Variants in R3HDM2 observed in about 807,000 individuals in gnomAD.
R3HDM2 encodes R3H domain containing 2.
Under a neutral mutation model 124.5 loss-of-function variants are expected in R3HDM2, and 38 were observed. That is an observed-to-expected ratio of 0.31 (90% CI 0.24 to 0.40). The LOEUF is 0.40. Among genes scored for constraint, R3HDM2 ranks in the 10% least tolerant of loss-of-function variants. The pLI is 1.00. For synonymous variants in R3HDM2, 391 were observed against 448.0 expected (o/e 0.87, Z 1.61); for missense variants, 869 against 1,236.9 (o/e 0.70, Z 4.46).
At chr12:57,302,903 T>C (rs1375254448) in intron 4 of R3HDM2, among the ~76,000 whole-genome samples, 1 of 152,172 alleles carries the variant, frequency 6.6e-6, no homozygotes, top group Non-Finnish European at 1.5e-5. Context: ...AGTATCCAGT[T>C]CTTTCAGGCT....
At chr12:57,426,696 C>A (rs1240630933) in intron 1 of R3HDM2, among the ~76,000 whole-genome samples, 1 of 152,184 alleles carries the variant, frequency 6.6e-6, no homozygotes, top group South Asian at 2.1e-4. Context: ...AAGACTTCCA[C>A]ACTCCATCCT....
chr12:57,277,430 C>G (rs1436198979), intron 14 of R3HDM2, among the ~76,000 whole-genome samples: 2 of 151,840 alleles, frequency 1.3e-5, no homozygotes, highest in Non-Finnish European at 2.9e-5. Flanking sequence ...GGTAACAACC[C>G]TTCCTCAAAG....
intron 20 of R3HDM2, among the ~76,000 whole-genome samples, 170 bp from the exon 21 acceptor site, chr12:57,258,307 CTATTT>C (rs1256626200): frequency 1.0e-3 from 149 of 146,188 alleles, no homozygotes; most frequent in African/African-American, 3.5e-3. Context: ...TTCATTTATG[CTATTT>C]TATTTATTTA....
At position 57,269,457 on chromosome 12, in the gene R3HDM2, G is replaced by A; in HGVS notation, c.1588-8C>T. On this transcript the variant is annotated splice_polypyrimidine_tract_variant and splice_region_variant and intron_variant, in intron 15 of 23. Transcript: ENST00000402412. The stretch of plus-strand genomic sequence containing the variant: ...ATAGTAAGAAACCTGGATCTATGGT[G>A]AGAGGAGACAGATGTGTGAGAAGTC... 1.2e-6 allele frequency: 2 copies of A among 1,613,778 alleles called. No homozygotes were observed. The highest frequency in any genetic ancestry group is 1.1e-5 in the South Asian group (1 of 90,982).
chr12:57,350,179 C>T (rs1186288766), intron 2 of R3HDM2, among the ~76,000 whole-genome samples: 2 of 151,958 alleles, frequency 1.3e-5, no homozygotes, highest in African/African-American at 4.8e-5. Flanking sequence ...CACTGCACAC[C>T]AGACTGGGCG....
At chr12:57,311,489 G>A (rs4760193) in intron 2 of R3HDM2, among the ~76,000 whole-genome samples, 67,721 of 151,682 alleles carry the variant, frequency 0.45, 15,663 homozygotes, top group South Asian at 0.52. Flanking sequence ...GCCTCCCAAA[G>A]TGCTGGGATT....
chr12:57,329,047 A>G (rs984487360), intron 2 of R3HDM2, among the ~76,000 whole-genome samples: 6 of 152,198 alleles, frequency 3.9e-5, no homozygotes, highest in African/African-American at 1.4e-4. Flanking sequence ...ATATATAAAA[A>G]ACACACACTA....
At chr12:57,320,531 T>C (rs1041057919) in intron 2 of R3HDM2, among the ~76,000 whole-genome samples, 3 of 151,992 alleles carry the variant, frequency 2.0e-5, no homozygotes, top group Non-Finnish European at 2.9e-5. Context: ...TCCAGCCAAA[T>C]AGTACAATTT....
chr12:57,260,268 A>AAAAAAAAAAAAAAAAAAC lies in R3HDM2; in HGVS notation c.2132-1210_2132-1209insGTTTTTTTTTTTTTTTTT, dbSNP rs2040398466. ...GACAGAATGAGACCCTGCCTCAAAA[A>AAAAAAAAAAAAAAAAAAC]AAAAAAAAAAAAAAAAAGCCTGCTG... On this transcript the variant is annotated intron_variant, in intron 19 of 23. Transcript: ENST00000402412. Among the ~76,000 whole-genome samples, 2 of 137,788 alleles carry AAAAAAAAAAAAAAAAAAC rather than the reference A, an allele frequency of 1.5e-5. 1 individual carries two copies. 90.4% of individuals were successfully genotyped at this position (137,788 alleles called of 152,430 possible).
intron 2 of R3HDM2, chr12:57,341,481 G>A (rs1305146904): frequency 2.2e-6 from 2 of 903,626 alleles, no homozygotes; most frequent in African/African-American, 1.8e-5. Context: ...GGAGGTAGAG[G>A]GAATCCCATC....
intron 2 of R3HDM2, among the ~76,000 whole-genome samples, chr12:57,362,934 C>T (rs997833294): frequency 1.3e-5 from 2 of 152,160 alleles, no homozygotes; most frequent in African/African-American, 4.8e-5. Context: ...AGTTCTCCTG[C>T]CTCAGCCTCC....
intron 2 of R3HDM2, among the ~76,000 whole-genome samples, chr12:57,329,995 T>G (rs2057904126): frequency 6.6e-6 from 1 of 152,190 alleles, no homozygotes; most frequent in Non-Finnish European, 1.5e-5. Flanking sequence ...TTTTATGAGA[T>G]GGAGTTTTGC....
intron 1 of R3HDM2, chr12:57,418,445 A>AG (rs748654862): frequency 9.6e-4 from 497 of 518,632 alleles, no homozygotes; most frequent in Non-Finnish European, 1.2e-3. Context: ...AAAAGTCTTT[A>AG]GCCTATCTTT....
intron 2 of R3HDM2, among the ~76,000 whole-genome samples, chr12:57,345,880 C>T (rs1381618335): frequency 6.6e-6 from 1 of 152,196 alleles, no homozygotes; most frequent in Non-Finnish European, 1.5e-5. Flanking sequence ...AGAATGAGGG[C>T]TGGGTGCGGT....
intron 23 of R3HDM2, 130 bp from the exon 24 acceptor site, chr12:57,255,243 CTT>C (rs2038602876): frequency 8.2e-6 from 6 of 730,844 alleles, no homozygotes; most frequent in Non-Finnish European, 1.3e-5. Context: ...GCCTTTCTCT[CTT>C]AGCCCTTTCT....
intron 12 of R3HDM2, among the ~76,000 whole-genome samples, chr12:57,285,711 G>A (rs2047189144): frequency 6.6e-6 from 1 of 152,090 alleles, no homozygotes; most frequent in Non-Finnish European, 1.5e-5. Context: ...GTGGGGTAAG[G>A]GGATACAGCA....
Position 57,325,838 on chromosome 12 carries a change from T to C in R3HDM2, c.-35-15375A>G, listed in dbSNP as rs993698692. On this transcript the variant is annotated intron_variant, in intron 2 of 23. Coordinates refer to ENST00000402412, the MANE Select transcript of R3HDM2 (RefSeq NM_001394031.1). ...GATTACAGGTGTGAGCCACTGTGCC[T>C]GGTTTTTTCTTTTCTTTTTTTTTTA... is the stretch of plus-strand genomic sequence containing the variant. 2.7e-5 allele frequency among the ~76,000 whole-genome samples: 4 copies of C among 150,942 alleles called. No individual in the cohort carries two copies. The East Asian group carries it at 7.7e-4, about 29-fold the overall frequency.
chr12:57,366,023 A>T (rs2062601882), intron 2 of R3HDM2, among the ~76,000 whole-genome samples: 1 of 152,146 alleles, frequency 6.6e-6, no homozygotes, highest in Admixed American at 6.6e-5. Context: ...CACTAAAATT[A>T]AAAAACTTAA....
At chr12:57,354,822 T>C (rs1404205721) in intron 2 of R3HDM2, among the ~76,000 whole-genome samples, 4 of 152,088 alleles carry the variant, frequency 2.6e-5, no homozygotes, top group African/African-American at 9.6e-5. Context: ...AACAGTGTCT[T>C]TAAAAAAGAA....
Sources: allele counts gnomAD v4.1 joint callset (sites outside exome capture counted in the v4.1 genomes callset), GRCh38; gene constraint gnomAD v4.1.1; transcripts MANE v1.5; gene names NCBI Gene and HGNC (gene_info 2026-07-23, HGNC 2026-07-21).